Variants in XYLT1 observed in about 807,000 individuals in gnomAD.
XYLT1 encodes the protein beta-D-xylosyltransferase 1.
Under a neutral mutation model 91.3 loss-of-function variants are expected in XYLT1, and 36 were observed. That is an observed-to-expected ratio of 0.39 (90% CI 0.30 to 0.52). XYLT1 has a LOEUF of 0.52. XYLT1 is among the 20% of genes least tolerant of loss of function. XYLT1 has a pLI of 0.68. For missense variants in XYLT1, 1,242 were observed against 1,284.5 expected (o/e 0.97, Z 0.51); for synonymous variants, 588 against 532.0 (o/e 1.11, Z -1.45).
At chr16:17,209,215 G>A (rs1035817179) in intron 3 of XYLT1, among the ~76,000 whole-genome samples, 8 of 152,162 alleles carry the variant, frequency 5.3e-5, no homozygotes, top group African/African-American at 9.7e-5. Flanking sequence ...CTGCCTCTAT[G>A]AATTTGATAA....
intron 3 of XYLT1, among the ~76,000 whole-genome samples, chr16:17,207,643 C>T (rs2032677762): frequency 6.6e-6 from 1 of 152,206 alleles, no homozygotes; most frequent in Non-Finnish European, 1.5e-5. Context: ...TAGGCACCCC[C>T]ACTTTTCCTT....
chr16:17,193,494 G>C (rs1323627200), intron 5 of XYLT1: 2 of 152,494 alleles, frequency 1.3e-5, no homozygotes, highest in Middle Eastern at 3.4e-3. Context: ...ATATCTAAGA[G>C]AGGAAGAATC....
chr16:17,243,196 C>A (rs1212646317), intron 3 of XYLT1, among the ~76,000 whole-genome samples: 1 of 152,198 alleles, frequency 6.6e-6, no homozygotes, highest in Admixed American at 6.5e-5. Context: ...TCACACAGAT[C>A]CTCTCATTCT....
At chr16:17,418,847 C>CA (rs2036213852) in intron 1 of XYLT1, among the ~76,000 whole-genome samples, 1 of 151,350 alleles carries the variant, frequency 6.6e-6, no homozygotes, top group East Asian at 2.0e-4. Flanking sequence ...GATCCTGTCT[C>CA]AAAAAATAAA....
intron 2 of XYLT1, among the ~76,000 whole-genome samples, chr16:17,318,790 C>CTTTTTTTTTTTTT (rs58376375): frequency 7.0e-6 from 1 of 142,640 alleles, no homozygotes. Flanking sequence ...TCTGCTTACT[C>CTTTTTTTTTTTTT]TTTTTTTTTT....
chr16:17,367,555 A>G (rs936721554), intron 1 of XYLT1, among the ~76,000 whole-genome samples: 3 of 152,212 alleles, frequency 2.0e-5, no homozygotes, highest in Non-Finnish European at 2.9e-5. Context: ...TGGAGTTCCA[A>G]TGATACTATG....
chr16:17,357,304 C>A (rs773845995), intron 2 of XYLT1, among the ~76,000 whole-genome samples: 1 of 151,640 alleles, frequency 6.6e-6, no homozygotes, highest in Non-Finnish European at 1.5e-5. Flanking sequence ...ACTGGGATGA[C>A]GTTTCAGATG....
At chr16:17,357,316 G>A (rs1026572074) in intron 2 of XYLT1, among the ~76,000 whole-genome samples, 2 of 151,706 alleles carry the variant, frequency 1.3e-5, no homozygotes, top group South Asian at 2.1e-4. Flanking sequence ...TTTCAGATGC[G>A]AAGACACTGG....
At chr16:17,163,489 T>A (rs376560626) in intron 5 of XYLT1, among the ~76,000 whole-genome samples, 1 of 152,180 alleles carries the variant, frequency 6.6e-6, no homozygotes, top group African/African-American at 2.4e-5. Context: ...CAAAGCCAAC[T>A]GCACCTCTCT....
chr16:17,424,696 C>T (rs976461062), intron 1 of XYLT1, among the ~76,000 whole-genome samples: 4 of 151,876 alleles, frequency 2.6e-5, no homozygotes, highest in Admixed American at 6.6e-5. Flanking sequence ...GGTGAAACCC[C>T]GTCTTTACTA....
At chr16:17,425,462 A>G (rs1026335979) in intron 1 of XYLT1, among the ~76,000 whole-genome samples, 1 of 152,222 alleles carries the variant, frequency 6.6e-6, no homozygotes. Context: ...AAATCAACCA[A>G]GAAGGTGTAT....
chr16:17,234,828 G>A (rs180960564), intron 3 of XYLT1, among the ~76,000 whole-genome samples: 21 of 152,172 alleles, frequency 1.4e-4, no homozygotes, highest in African/African-American at 3.1e-4. Context: ...ACAGAGAAAT[G>A]TCTGTCTGCA....
At chr16:17,388,635 C>T (rs1381908163) in intron 1 of XYLT1, among the ~76,000 whole-genome samples, 1 of 152,142 alleles carries the variant, frequency 6.6e-6, no homozygotes, top group Non-Finnish European at 1.5e-5. Flanking sequence ...TTGCGAAGGG[C>T]AGAAAGGAAA....
At chr16:17,139,698 G>T (rs149894097) in intron 7 of XYLT1, among the ~76,000 whole-genome samples, 1 of 152,174 alleles carries the variant, frequency 6.6e-6, no homozygotes, top group Non-Finnish European at 1.5e-5. Context: ...ATTACTGATT[G>T]CCCTGTGTCC....
At chr16:17,233,054 T>C (rs140687069) in intron 3 of XYLT1, among the ~76,000 whole-genome samples, 226 of 152,252 alleles carry the variant, frequency 1.5e-3, no homozygotes, top group African/African-American at 5.3e-3. Flanking sequence ...GCACCTTCCC[T>C]TCACCTGCCA....
At chr16:17,138,862 C>T (rs1021900875) in intron 7 of XYLT1, 7 of 208,704 alleles carry the variant, frequency 3.4e-5, no homozygotes, top group South Asian at 1.1e-4. Flanking sequence ...AGAGCGCAGG[C>T]GGATGCTCTG....
intron 2 of XYLT1, among the ~76,000 whole-genome samples, chr16:17,265,059 G>A (rs1334033393): frequency 2.0e-5 from 3 of 152,128 alleles, no homozygotes; most frequent in African/African-American, 4.8e-5. Flanking sequence ...GTGGTGGCAC[G>A]CACCTGTAGT....
intron 5 of XYLT1, among the ~76,000 whole-genome samples, chr16:17,175,841 C>G (rs1023470239): frequency 6.6e-6 from 1 of 152,174 alleles, no homozygotes; most frequent in Non-Finnish European, 1.5e-5. Flanking sequence ...GCTGAGCCAA[C>G]CTTAGGATTC....
At chr16:17,189,491 G>C (rs2032260997) in intron 5 of XYLT1, among the ~76,000 whole-genome samples, 2 of 152,164 alleles carry the variant, frequency 1.3e-5, no homozygotes, top group Non-Finnish European at 1.5e-5. Context: ...AACCAGATGA[G>C]GTCCTCAATT....
Sources: gnomAD v4.1 joint callset for allele counts (sites outside exome capture counted in the v4.1 genomes callset) on GRCh38, gnomAD v4.1.1 for gene constraint, MANE v1.5 for transcripts, NCBI Gene and HGNC (gene_info 2026-07-23, HGNC 2026-07-21) for gene names.